Variants in CRYBB2 observed in about 807,000 individuals in gnomAD.
The protein encoded by CRYBB2 is crystallin beta B2.
Under a neutral mutation model 24.3 loss-of-function variants are expected in CRYBB2, and 12 were observed. That is an observed-to-expected ratio of 0.49 (90% confidence interval 0.32 to 0.80). The LOEUF (loss-of-function observed/expected upper bound fraction) is 0.80, where lower values mean the gene tolerates loss of function less well. CRYBB2 is among the 30% of genes least tolerant of loss of function. The pLI is 0.04. For synonymous variants in CRYBB2, 98 were observed against 101.6 expected (o/e 0.96, Z 0.21); for missense variants, 198 against 268.5 (o/e 0.74, Z 1.83).
chr22:25,230,683 C>CTCATTCATTCAT (rs200899061), intron 5 of CRYBB2, among the ~76,000 whole-genome samples: 13 of 140,812 alleles, frequency 9.2e-5, no homozygotes, highest in African/African-American at 3.7e-4. Flanking sequence ...CCTTCATTCC[C>CTCATTCATTCAT]TCATTCATTC....
At chr22:25,227,120 G>A (rs1196978111) in intron 3 of CRYBB2, among the ~76,000 whole-genome samples, 2 of 152,208 alleles carry the variant, frequency 1.3e-5, no homozygotes, top group Non-Finnish European at 2.9e-5. Flanking sequence ...GCACATTGCT[G>A]AAATGTTCGC....
intron 4 of CRYBB2, among the ~76,000 whole-genome samples, chr22:25,229,150 G>A (rs1272848386): frequency 1.3e-5 from 2 of 152,164 alleles, no homozygotes; most frequent in African/African-American, 4.8e-5. Context: ...TAGGTATATC[G>A]TAGCCACCAT....
upstream of CRYBB2, among the ~76,000 whole-genome samples, chr22:25,216,292 CAA>C (rs1311728428): frequency 2.6e-5 from 4 of 152,148 alleles, no homozygotes; most frequent in Non-Finnish European, 4.4e-5. Context: ...CAATTTGAAA[CAA>C]AGTCATCAGG....
At chr22:25,218,176 G>A (rs78737830), upstream of CRYBB2, among the ~76,000 whole-genome samples, 4 of 151,896 alleles carry the variant, frequency 2.6e-5, no homozygotes, top group Non-Finnish European at 4.4e-5. Context: ...GGAGAATGGT[G>A]TGAACACGGG....
chr22:25,230,195 C>T lies in CRYBB2; in HGVS notation c.449+617C>T, dbSNP rs553755850. On this transcript the variant is annotated intron_variant, in intron 5 of 5. Coordinates refer to ENST00000398215, the MANE Select transcript of CRYBB2 (RefSeq NM_000496.3). Reference sequence around the variant, plus strand: ...TAATTGAGACGGAGGCGCGCACTTTCGCCCTGGCTGGAGTGCAGTGGAATG... The same window carrying T: ...TAATTGAGACGGAGGCGCGCACTTTTGCCCTGGCTGGAGTGCAGTGGAATG... Among the ~76,000 whole-genome samples, 1,221 of 149,614 alleles carry T rather than the reference C, an allele frequency of 8.2e-3. 18 individuals are homozygous for T. The highest frequency in any genetic ancestry group is 0.029 in the African/African-American group (1,160 of 40,350).
Position 25,224,919 on chromosome 22 carries a change from T to A in CRYBB2, c.56T>A (p.Ile19Asn). The A allele has an allele frequency of 6.5e-7, 1 of 1,542,298 alleles. No homozygotes were observed. Among genetic ancestry groups the A allele is most frequent in the Non-Finnish European group, 9.0e-7 (1 of 1,114,252 alleles). ...TCTGAGTCTCGCTTCCTCTTGCAGA[T>A]CATCATCTTTGAGCAGGAAAACTTT... ...AGKPQSLNPKIIIFEQENFQG... is the reference protein window; with the variant it reads ...AGKPQSLNPKNIIFEQENFQG... Residue 19 changes from isoleucine to asparagine, a missense_variant and splice_region_variant, in exon 3 of 6, where the codon ATC becomes AAC. Ile to Asn is a moderately radical substitution (Grantham distance 149). Transcript: ENST00000398215.
intron 5 of CRYBB2, among the ~76,000 whole-genome samples, chr22:25,230,845 A>G (rs1481220482): frequency 7.9e-5 from 12 of 151,344 alleles, no homozygotes; most frequent in Non-Finnish European, 1.5e-5. Context: ...ACATGAATCT[A>G]AGCTACTTCC....
chr22:25,212,507 C>T (rs1021387359), upstream of CRYBB2, among the ~76,000 whole-genome samples: 3 of 152,220 alleles, frequency 2.0e-5, no homozygotes, highest in East Asian at 1.9e-4. Context: ...AAATGCATCC[C>T]CAAGTCTTGG....
At chr22:25,230,981 G>T (rs565702131) in intron 5 of CRYBB2, among the ~76,000 whole-genome samples, 14 of 152,280 alleles carry the variant, frequency 9.2e-5, no homozygotes, top group African/African-American at 3.1e-4. Flanking sequence ...GTGTGTGGGG[G>T]AGCCTGGTAG....
At chr22:25,214,997 G>T (rs1371013566), upstream of CRYBB2, among the ~76,000 whole-genome samples, 2 of 152,222 alleles carry the variant, frequency 1.3e-5, no homozygotes, top group African/African-American at 4.8e-5. Flanking sequence ...AGAATAATAG[G>T]TTGGTGCAAA....
chr22:25,213,687 A>G (rs1235305880), intron 1 of CRYBB2: 1 of 152,124 alleles, frequency 6.6e-6, no homozygotes, highest in Admixed American at 6.5e-5. Context: ...GACACCCCCT[A>G]ATTTTAAGAA....
At position 25,219,900 on chromosome 22, in the gene CRYBB2, G is replaced by A. The variant is rs141145277; in HGVS notation, c.-27+234G>A. The stretch of plus-strand genomic sequence containing the variant: ...AGTGCCTGGCACACAGTGGGCATTG[G>A]GGCAATGTTCTTTATTATTAATATT... On this transcript the variant is annotated intron_variant, in intron 1 of 5. Coordinates refer to ENST00000398215, the MANE Select transcript of CRYBB2 (RefSeq NM_000496.3). 1.7e-3 allele frequency among the ~76,000 whole-genome samples: 259 copies of A among 152,198 alleles called. 1 individual carries two copies. The East Asian group carries it at 0.026, about 15-fold the overall frequency.
In CRYBB2 at chr22:25,224,983, C is replaced by T; in HGVS notation, c.120C>T (p.Asn40=). ...HSHELNGPCP[N]LKETGVEKAG... ...ATGAGCTCAATGGGCCCTGCCCCAA[C>T]CTGAAGGAAACTGGCGTGGAGAAGG... The change falls in exon 3 of 6, where the codon AAC becomes AAT. Residue 40 remains asparagine, a synonymous_variant. Transcript: ENST00000398215. 6.2e-7 allele frequency: 1 copy of T among 1,613,566 alleles called. No individual in the cohort carries two copies. Among genetic ancestry groups the T allele is most frequent in the Non-Finnish European group, 8.5e-7 (1 of 1,179,462 alleles).
At chr22:25,218,769 GAGAGAGAGAGAAGAAAGAAAGA>G (rs1935246126), upstream of CRYBB2, among the ~76,000 whole-genome samples, 3 of 37,480 alleles carry the variant, frequency 8.0e-5, no homozygotes, top group African/African-American at 2.4e-4. Flanking sequence ...GAGAGAGAGA[GAGAGAGAGAGAAGAAAGAAAGA>G]AAGAAAGAAA....
intron 3 of CRYBB2, among the ~76,000 whole-genome samples, chr22:25,226,238 C>T (rs1037752105): frequency 6.6e-6 from 1 of 150,716 alleles, no homozygotes; most frequent in African/African-American, 2.4e-5. Flanking sequence ...TCATACTAAA[C>T]ATAATGTTTT....
At chr22:25,212,713 ACTCT>A (rs776920033) in exon 1 of CRYBB2, 3 of 151,224 alleles carry the variant, frequency 2.0e-5, no homozygotes, top group Admixed American at 6.6e-5. Flanking sequence ...GTGCCTGGAA[ACTCT>A]CTCCTGTGCC....
intron 1 of CRYBB2, among the ~76,000 whole-genome samples, chr22:25,220,986 A>G (rs892150372): frequency 2.6e-5 from 4 of 152,138 alleles, no homozygotes; most frequent in African/African-American, 9.7e-5. Flanking sequence ...GCACCACCAC[A>G]CCACCAAATA....
At chr22:25,227,786 C>T (rs1935446530) in intron 3 of CRYBB2, 67 bp from the exon 4 acceptor site, 11 of 1,611,986 alleles carry the variant, frequency 6.8e-6, no homozygotes, top group Middle Eastern at 3.5e-4. Context: ...CATCAGTAGC[C>T]AGGATTCTGC....
intron 3 of CRYBB2, among the ~76,000 whole-genome samples, chr22:25,226,771 T>A (rs969130633): frequency 6.6e-6 from 1 of 152,224 alleles, no homozygotes; most frequent in Non-Finnish European, 1.5e-5. Context: ...CCTCCCGGGT[T>A]CAGGCAATTC....
Sources: allele counts gnomAD v4.1 joint callset (sites outside exome capture counted in the v4.1 genomes callset), GRCh38; gene constraint gnomAD v4.1.1; transcripts MANE v1.5; gene names NCBI Gene and HGNC (gene_info 2026-07-23, HGNC 2026-07-21).